Variants in PCDH15 observed in about 807,000 individuals in gnomAD.
The protein encoded by PCDH15 is protocadherin-15.
In PCDH15, 129 loss-of-function variants were observed where a neutral mutation model predicts 178.5. The observed-to-expected ratio is 0.72, with a 90% confidence interval of 0.63 to 0.84. The LOEUF is 0.84. PCDH15 is among the 40% of genes least tolerant of loss of function. The pLI, the probability that PCDH15 is intolerant of heterozygous loss-of-function variation, is 0.00. For synonymous variants in PCDH15, 800 were observed against 732.0 expected, an observed-to-expected ratio of 1.09 and a Z score of -1.50; for missense variants, 2,230 against 2,099.9, an observed-to-expected ratio of 1.06 and a Z score of -1.21.
intron 2 of PCDH15, among the ~76,000 whole-genome samples, chr10:55,367,509 A>C (rs1332539958): frequency 1.3e-5 from 2 of 152,084 alleles, no homozygotes; most frequent in Non-Finnish European, 2.9e-5. Context: ...TGGGCTCAGA[A>C]AGTCAAGACT....
At chr10:55,436,164 T>G (rs1195972895) in intron 2 of PCDH15, among the ~76,000 whole-genome samples, 1 of 152,112 alleles carries the variant, frequency 6.6e-6, no homozygotes, top group Non-Finnish European at 1.5e-5. Context: ...GAGTTTGATA[T>G]TACTGTTGTA....
chr10:54,892,649 G>C (rs1954482618), intron 3 of PCDH15, among the ~76,000 whole-genome samples: 1 of 150,582 alleles, frequency 6.6e-6, no homozygotes. Context: ...GATGCATGGA[G>C]GATTGATCTG....
chr10:54,462,512 C>CTTTTTTTTTTTTTTTTTTTTTTTTTTT (rs562731025), intron 3 of PCDH15, among the ~76,000 whole-genome samples: 7 of 66,888 alleles, frequency 1.0e-4, no homozygotes, highest in African/African-American at 3.0e-4. Context: ...TTTTTCTTTT[C>CTTTTTTTTTTTTTTTTTTTTTTTTTTT]TTTTTTTTTT....
intron 17 of PCDH15, 74 bp downstream of exon 17, chr10:54,079,257 G>T: frequency 7.5e-7 from 1 of 1,340,424 alleles, no homozygotes; most frequent in Non-Finnish European, 1.1e-6. Context: ...ATTCATGTCT[G>T]TGATACATTG....
chr10:54,275,071 T>A (rs1202199867), intron 8 of PCDH15, among the ~76,000 whole-genome samples: 1 of 151,964 alleles, frequency 6.6e-6, no homozygotes, highest in African/African-American at 2.4e-5. Flanking sequence ...AATAAAGTTG[T>A]CTGCATAAAG....
chr10:54,826,551 G>GTA (rs918765794), intron 3 of PCDH15, among the ~76,000 whole-genome samples: 7 of 151,838 alleles, frequency 4.6e-5, no homozygotes, highest in South Asian at 4.2e-4. Context: ...GTGTGTATAT[G>GTA]TATATATATG....
chr10:54,083,479 G>C (rs10825221), intron 16 of PCDH15, among the ~76,000 whole-genome samples: 123,473 of 152,160 alleles, frequency 0.81, 50,724 homozygotes, highest in African/African-American at 0.93. Flanking sequence ...CATGTTGCAA[G>C]ACAGACGAAT....
chr10:54,756,159 A>G (rs1161558097), intron 1 of PCDH15, among the ~76,000 whole-genome samples: 1 of 151,958 alleles, frequency 6.6e-6, no homozygotes, highest in East Asian at 1.9e-4. Context: ...CTGAGGCAGG[A>G]GAATAGTTTG....
chr10:54,234,640 G>T (rs548482691), intron 9 of PCDH15, among the ~76,000 whole-genome samples: 1 of 152,096 alleles, frequency 6.6e-6, no homozygotes, highest in South Asian at 2.1e-4. Context: ...TTAAAGTCAG[G>T]ATTTTTAACA....
chr10:54,380,316 C>T (rs1949021559), intron 3 of PCDH15, among the ~76,000 whole-genome samples: 1 of 151,638 alleles, frequency 6.6e-6, no homozygotes, highest in Non-Finnish European at 1.5e-5. Context: ...TTATTTTTGA[C>T]TGAAATGGCA....
At chr10:53,906,962 C>T (rs1158798874) in intron 25 of PCDH15, 1 of 151,842 alleles carries the variant, frequency 6.6e-6, no homozygotes, top group Non-Finnish European at 1.5e-5. Context: ...GTCACTGGGA[C>T]AATTATAAGA....
chr10:54,307,414 G>A (rs1403876910), intron 8 of PCDH15, among the ~76,000 whole-genome samples: 2 of 151,198 alleles, frequency 1.3e-5, no homozygotes, highest in Non-Finnish European at 2.9e-5. Context: ...TTACCTAGAG[G>A]GGAAACTCTG....
chr10:55,364,858 G>A (rs1204097093), intron 2 of PCDH15, among the ~76,000 whole-genome samples: 1 of 151,766 alleles, frequency 6.6e-6, no homozygotes, highest in Non-Finnish European at 1.5e-5. Context: ...TTCTGCTATT[G>A]AGCCCTGTAT....
chr10:54,109,613 A>C (rs2094978312), intron 15 of PCDH15, among the ~76,000 whole-genome samples: 1 of 152,214 alleles, frequency 6.6e-6, no homozygotes, highest in Non-Finnish European at 1.5e-5. Flanking sequence ...GCATGATCTC[A>C]TTTATTCATG....
intron 26 of PCDH15, among the ~76,000 whole-genome samples, chr10:53,890,142 T>C (rs1163360705): frequency 6.6e-6 from 1 of 152,144 alleles, no homozygotes; most frequent in South Asian, 2.1e-4. Flanking sequence ...AAAATATTCT[T>C]TTAGGCTGGG....
At chr10:54,918,087 C>A (rs965354538) in intron 2 of PCDH15, among the ~76,000 whole-genome samples, 1 of 151,008 alleles carries the variant, frequency 6.6e-6, no homozygotes, top group Non-Finnish European at 1.5e-5. Flanking sequence ...CACATCATAA[C>A]CCAAACAATA....
At chr10:55,365,030 T>C (rs1845321737) in intron 2 of PCDH15, among the ~76,000 whole-genome samples, 1 of 152,202 alleles carries the variant, frequency 6.6e-6, no homozygotes, top group South Asian at 2.1e-4. Flanking sequence ...TGTTTTGCCA[T>C]GTCTTCTTGG....
intron 2 of PCDH15, among the ~76,000 whole-genome samples, chr10:55,349,731 A>G (rs1565042262): frequency 6.6e-6 from 1 of 152,110 alleles, no homozygotes; most frequent in Non-Finnish European, 1.5e-5. Context: ...AAGATTTTTC[A>G]TTTTCATTAT....
chr10:54,008,289 A>G lies in PCDH15; in HGVS notation c.2751+11903T>C, dbSNP rs75302753. The stretch of plus-strand genomic sequence containing the variant: ...CAAAGGAATGGTGTGATTTCTCTAA[A>G]TAAGATAAAGCAATTGATACAACAC... On this transcript the variant is annotated intron_variant, in intron 20 of 37. Transcript: ENST00000644397. Among the ~76,000 whole-genome samples the G allele has an allele frequency of 2.9e-3, 444 of 152,340 alleles. 1 individual carries two copies. The highest frequency in any genetic ancestry group is 5.0e-3 in the Non-Finnish European group (343 of 68,024).
Sources: allele counts gnomAD v4.1 joint callset (sites outside exome capture counted in the v4.1 genomes callset), GRCh38; gene constraint gnomAD v4.1.1; transcripts MANE v1.5; gene names NCBI Gene and HGNC (gene_info 2026-07-23, HGNC 2026-07-21).